Variants in DPP10 observed in about 807,000 individuals in gnomAD.
The protein encoded by DPP10 is dipeptidyl peptidase like 10.
In DPP10, 33 loss-of-function variants were observed where a neutral mutation model predicts 120.9. The observed-to-expected ratio is 0.27, with a 90% CI of 0.21 to 0.37. The LOEUF (loss-of-function observed/expected upper bound fraction) is 0.37. DPP10 is among the 10% of genes least tolerant of loss of function. DPP10 has a pLI of 1.00. For missense variants in DPP10, 816 were observed against 942.8 expected (o/e 0.87, Z 1.76); for synonymous variants, 337 against 326.1 (o/e 1.03, Z -0.36).
chr2:115,162,007 C>G, intron 1 of DPP10: 1 of 1,384,680 alleles, frequency 7.2e-7, no homozygotes, highest in Middle Eastern at 2.7e-4. Context: ...CCAGGGCGAG[C>G]CAGGCGCAGC....
At chr2:114,610,380 A>G (rs1245098596) in intron 1 of DPP10, among the ~76,000 whole-genome samples, 1 of 152,148 alleles carries the variant, frequency 6.6e-6, no homozygotes, top group Non-Finnish European at 1.5e-5. Flanking sequence ...TAATGTGACC[A>G]TATTTCACTG....
At chr2:115,440,048 A>G (rs1196643067) in intron 3 of DPP10, among the ~76,000 whole-genome samples, 4 of 152,110 alleles carry the variant, frequency 2.6e-5, no homozygotes, top group African/African-American at 9.7e-5. Flanking sequence ...CATTTTGTAA[A>G]TTAACTAGCT....
chr2:114,529,550 C>T (rs1385230062), intron 1 of DPP10, among the ~76,000 whole-genome samples: 1 of 152,106 alleles, frequency 6.6e-6, no homozygotes, highest in African/African-American at 2.4e-5. Flanking sequence ...TTTATTGTTC[C>T]TTGAAATTGC....
chr2:114,481,255 A>T (rs1331166554), intron 1 of DPP10, among the ~76,000 whole-genome samples: 6 of 152,130 alleles, frequency 3.9e-5, no homozygotes, highest in Non-Finnish European at 4.4e-5. Context: ...AAATGAACAG[A>T]AGACATAAAG....
At chr2:114,513,029 G>A (rs1416255827) in intron 1 of DPP10, among the ~76,000 whole-genome samples, 1 of 152,136 alleles carries the variant, frequency 6.6e-6, no homozygotes, top group East Asian at 1.9e-4. Context: ...GGAAGGGGGA[G>A]GGAAGGGAGG....
At chr2:114,795,382 TTGG>T (rs1683616905) in intron 1 of DPP10, among the ~76,000 whole-genome samples, 1 of 151,992 alleles carries the variant, frequency 6.6e-6, no homozygotes. Context: ...TCCCAGCCAT[TTGG>T]GAGGCTGAGG....
chr2:115,009,269 G>A (rs1429027352), intron 1 of DPP10, among the ~76,000 whole-genome samples: 1 of 151,792 alleles, frequency 6.6e-6, no homozygotes, highest in Admixed American at 6.6e-5. Flanking sequence ...ATGAGTTCAT[G>A]TCCTTTGTAG....
chr2:114,624,573 C>T (rs553417313), intron 1 of DPP10, among the ~76,000 whole-genome samples: 6 of 151,968 alleles, frequency 3.9e-5, no homozygotes, highest in African/African-American at 1.4e-4. Context: ...AATTTGGAGA[C>T]CTTTCACTTA....
chr2:115,712,067 A>C (rs1481237371), intron 7 of DPP10, among the ~76,000 whole-genome samples: 1 of 151,552 alleles, frequency 6.6e-6, no homozygotes, highest in African/African-American at 2.4e-5. Flanking sequence ...ATTTAAGAGC[A>C]TTACATTTAT....
chr2:114,870,800 C>A (rs1290419072), intron 1 of DPP10, among the ~76,000 whole-genome samples: 1 of 135,024 alleles, frequency 7.4e-6, no homozygotes, highest in Non-Finnish European at 1.6e-5. Flanking sequence ...GATAAAGTGC[C>A]TATTTTACAT....
intron 1 of DPP10, among the ~76,000 whole-genome samples, chr2:114,989,326 A>G (rs1700616078): frequency 6.6e-6 from 1 of 152,072 alleles, no homozygotes; most frequent in African/African-American, 2.4e-5. Flanking sequence ...ACTGGAGAAA[A>G]TTTTATACAG....
At chr2:115,060,456 G>C (rs1573466948) in intron 1 of DPP10, among the ~76,000 whole-genome samples, 2 of 152,164 alleles carry the variant, frequency 1.3e-5, no homozygotes, top group Non-Finnish European at 1.5e-5. Context: ...AGCTGGGTGT[G>C]GTGGCATATG....
At chr2:115,192,124 G>A (rs1031080258) in intron 1 of DPP10, among the ~76,000 whole-genome samples, 3 of 152,126 alleles carry the variant, frequency 2.0e-5, no homozygotes, top group Non-Finnish European at 2.9e-5. Flanking sequence ...TTAATGGCAC[G>A]TGCAGTGAAA....
intron 1 of DPP10, among the ~76,000 whole-genome samples, chr2:114,469,463 G>T (rs982395695): frequency 6.6e-6 from 1 of 152,160 alleles, no homozygotes; most frequent in African/African-American, 2.4e-5. Flanking sequence ...GGGTGTGGTG[G>T]CTCATGCCTG....
intron 1 of DPP10, among the ~76,000 whole-genome samples, chr2:115,279,209 T>C (rs2060038895): frequency 1.3e-5 from 2 of 151,852 alleles, no homozygotes; most frequent in Admixed American, 1.3e-4. Context: ...ATTAAAACCA[T>C]GGGAGGCTGA....
At chr2:114,444,238 G>A (rs867443007) in intron 1 of DPP10, among the ~76,000 whole-genome samples, 3 of 152,150 alleles carry the variant, frequency 2.0e-5, no homozygotes, top group African/African-American at 7.2e-5. Context: ...CTGTGTATCA[G>A]TTTCCCACAT....
intron 1 of DPP10, among the ~76,000 whole-genome samples, chr2:114,910,373 A>G (rs1694280841): frequency 6.6e-6 from 1 of 151,996 alleles, no homozygotes; most frequent in South Asian, 2.1e-4. Context: ...ATAAGATGGT[A>G]TTGACAGCCA....
At chr2:115,033,382 C>A (rs1573377593) in intron 1 of DPP10, among the ~76,000 whole-genome samples, 1 of 152,164 alleles carries the variant, frequency 6.6e-6, no homozygotes, top group African/African-American at 2.4e-5. Context: ...CACTCTCTGT[C>A]CCTTTGCTTT....
rs375195109 is a variant in DPP10, at chr2:114,572,648, TAA to T, written c.60+129812_60+129813del. Among the ~76,000 whole-genome samples, 26 of 152,324 alleles carry T rather than the reference TAA, an allele frequency of 1.7e-4. No individual in the cohort carries two copies. In the South Asian group the frequency reaches 4.1e-3, roughly 24 times the overall value. On this transcript the variant is annotated intron_variant, in intron 1 of 25. Transcript: ENST00000410059. ...AAAGGAGTAAACCTACAGCGAATGA[TAA>T]AGTCTCCAGATATTTGAGGTTAATG...
Sources: gnomAD v4.1 joint callset for allele counts (sites outside exome capture counted in the v4.1 genomes callset) on GRCh38, gnomAD v4.1.1 for gene constraint, MANE v1.5 for transcripts, NCBI Gene and HGNC (gene_info 2026-07-23, HGNC 2026-07-21) for gene names.